Variants in ZEB1 observed in about 807,000 individuals in gnomAD.
ZEB1 encodes zinc finger E-box binding homeobox 1, also known as zinc finger E-box-binding homeobox 1.
ZEB1 carries 21 observed loss-of-function variants against 84.9 expected under a neutral mutation model. That is an observed-to-expected ratio of 0.25 (90% confidence interval 0.18 to 0.36). The LOEUF (loss-of-function observed/expected upper bound fraction) is 0.36. Ranked by LOEUF, ZEB1 falls within the 10% of genes least tolerant of loss-of-function variation. ZEB1 has a pLI of 1.00. For synonymous variants in ZEB1, 420 were observed against 471.1 expected (o/e 0.89, Z 1.41); for missense variants, 1,104 against 1,330.2 (o/e 0.83, Z 2.65).
chr10:31,478,527 A>G (rs1268378056), intron 2 of ZEB1, among the ~76,000 whole-genome samples: 2 of 151,968 alleles, frequency 1.3e-5, no homozygotes, highest in African/African-American at 4.8e-5. Context: ...AAAAGAAATC[A>G]TTATATAAGA....
At chr10:31,424,341 C>T (rs985993826) in intron 1 of ZEB1, among the ~76,000 whole-genome samples, 1 of 151,736 alleles carries the variant, frequency 6.6e-6, no homozygotes, top group Non-Finnish European at 1.5e-5. Flanking sequence ...TGAATAATGC[C>T]CAGAGGCTTA....
intron 1 of ZEB1, among the ~76,000 whole-genome samples, chr10:31,410,781 G>T (rs1319536789): frequency 1.3e-5 from 2 of 152,182 alleles, no homozygotes; most frequent in African/African-American, 2.4e-5. Flanking sequence ...AGATTTTCTA[G>T]TTTATTTGCA....
At position 31,412,233 on chromosome 10, in the gene ZEB1, A is replaced by G. The variant is rs967863314; in HGVS notation, c.59-48804A>G. Among the ~76,000 whole-genome samples the G allele has an allele frequency of 2.0e-5, 3 of 152,160 alleles. No individual in the cohort carries two copies. The East Asian group carries it at 5.8e-4, about 29-fold the overall frequency. On this transcript the variant is annotated intron_variant, in intron 1 of 8. Coordinates refer to ENST00000424869, the MANE Select transcript of ZEB1 (RefSeq NM_001174096.2). ...TTTTAAATTATGATGTCACTTGTAG[A>G]ATTTGTTTTAAAATTGATAAAATAC...
chr10:31,367,062 C>T (rs2044656971), intron 1 of ZEB1, among the ~76,000 whole-genome samples: 1 of 152,052 alleles, frequency 6.6e-6, no homozygotes, highest in Non-Finnish European at 1.5e-5. Context: ...GAGCCCGGGA[C>T]CTCTTACTTA....
chr10:31,459,830 A>AGTGTGTGTGTGT (rs3086581), intron 1 of ZEB1, among the ~76,000 whole-genome samples: 8 of 129,812 alleles, frequency 6.2e-5, no homozygotes, highest in East Asian at 2.2e-4. Flanking sequence ...TGTTCTCAGG[A>AGTGTGTGTGTGT]GTGTGTGTGT....
intron 1 of ZEB1, among the ~76,000 whole-genome samples, chr10:31,349,129 T>C (rs562177117): frequency 1.3e-5 from 2 of 152,336 alleles, no homozygotes; most frequent in Non-Finnish European, 2.9e-5. Context: ...CTTCCATGAT[T>C]TAGACTGTTT....
intron 8 of ZEB1, 141 bp from the exon 9 acceptor site, chr10:31,526,531 A>G: frequency 9.4e-7 from 1 of 1,067,750 alleles, no homozygotes; most frequent in Non-Finnish European, 1.3e-6. Context: ...ATTATATTAC[A>G]AAGAGTTTGG....
At chr10:31,378,289 G>A (rs2047033476) in intron 1 of ZEB1, among the ~76,000 whole-genome samples, 1 of 151,240 alleles carries the variant, frequency 6.6e-6, no homozygotes, top group African/African-American at 2.4e-5. Context: ...TGAACATTGA[G>A]TAAAAAAGTA....
chr10:31,499,422 G>T (rs1034586727), intron 3 of ZEB1, among the ~76,000 whole-genome samples: 1 of 151,900 alleles, frequency 6.6e-6, no homozygotes, highest in East Asian at 1.9e-4. Flanking sequence ...CCAATTTCTG[G>T]AAAATTTCCA....
chr10:31,322,241 C>T (rs2034281208), intron 1 of ZEB1, among the ~76,000 whole-genome samples: 4 of 152,108 alleles, frequency 2.6e-5, no homozygotes, highest in Admixed American at 2.6e-4. Flanking sequence ...GTTGTGAAAC[C>T]TCAGTATATG....
intron 1 of ZEB1, among the ~76,000 whole-genome samples, chr10:31,369,106 A>G (rs1022075496): frequency 7.9e-5 from 12 of 152,126 alleles, no homozygotes; most frequent in African/African-American, 2.9e-4. Context: ...TGATTGACCA[A>G]TCATAATTGC....
intron 3 of ZEB1, among the ~76,000 whole-genome samples, chr10:31,499,896 T>C (rs879103662): frequency 1.1e-4 from 17 of 152,206 alleles, no homozygotes; most frequent in Admixed American, 3.3e-4. Flanking sequence ...GTTAAAAAAA[T>C]CTTTATCTCT....
chr10:31,492,858 T>C (rs886941561), intron 2 of ZEB1, among the ~76,000 whole-genome samples: 1 of 151,948 alleles, frequency 6.6e-6, no homozygotes. Flanking sequence ...ATCTTATGAC[T>C]AAAAAGAACA....
At chr10:31,454,299 A>G (rs1030403758) in intron 1 of ZEB1, among the ~76,000 whole-genome samples, 1 of 152,200 alleles carries the variant, frequency 6.6e-6, no homozygotes, top group African/African-American at 2.4e-5. Flanking sequence ...ACCCACAGCC[A>G]ATATCTTACT....
At chr10:31,340,704 T>C (rs990835674) in intron 1 of ZEB1, among the ~76,000 whole-genome samples, 1 of 152,120 alleles carries the variant, frequency 6.6e-6, no homozygotes, top group East Asian at 1.9e-4. Context: ...CAGACACTTG[T>C]ATAAAGCATG....
rs968279351 is a variant in ZEB1 at position 31,425,020 on chromosome 10, C to A, written c.59-36017C>A. On this transcript the variant is annotated intron_variant, in intron 1 of 8. Coordinates refer to ENST00000424869, the MANE Select transcript of ZEB1 (RefSeq NM_001174096.2). ...AAATTTTTTTTAAATGGGAAAAAAA[C>A]TCTTTTCTTACAGAAAATTTGAAAA... 9.2e-4 allele frequency among the ~76,000 whole-genome samples: 140 copies of A among 151,954 alleles called. 2 individuals carry two copies. Among genetic ancestry groups the A allele is most frequent in the African/African-American group, 3.3e-3 (137 of 41,530 alleles).
intron 1 of ZEB1, among the ~76,000 whole-genome samples, chr10:31,449,870 A>T (rs1368870043): frequency 2.0e-5 from 3 of 152,208 alleles, no homozygotes; most frequent in Non-Finnish European, 2.9e-5. Flanking sequence ...TTGCATATAT[A>T]CCTATTTTCA....
Position 31,321,151 on chromosome 10 carries a change from G to A in ZEB1, c.58+1859G>A, listed in dbSNP as rs2033926812. ...TGGGCTCCCTTTCTCCCTCCCCTCT[G>A]GGATGCGAAACGCGAGGTTTTGTAA... On this transcript the variant is annotated intron_variant, in intron 1 of 8. Coordinates refer to ENST00000424869, the MANE Select transcript of ZEB1 (RefSeq NM_001174096.2). 3 of 1,062,948 alleles carry A rather than the reference G, an allele frequency of 2.8e-6. No individual in the cohort carries two copies. The African/African-American group carries it at 5.1e-5, about 18-fold the overall frequency. 65.8% of individuals were successfully genotyped at this position (1,062,948 alleles called of 1,614,324 possible).
At chr10:31,341,488 GT>G (rs2039355659) in intron 1 of ZEB1, among the ~76,000 whole-genome samples, 1 of 152,160 alleles carries the variant, frequency 6.6e-6, no homozygotes, top group African/African-American at 2.4e-5. Context: ...ACGGAAGTCA[GT>G]TTTGGATATT....
Sources: gnomAD v4.1 joint callset for allele counts (sites outside exome capture counted in the v4.1 genomes callset) on GRCh38, gnomAD v4.1.1 for gene constraint, MANE v1.5 for transcripts, NCBI Gene and HGNC (gene_info 2026-07-23, HGNC 2026-07-21) for gene names.